ADAMTS18: variants seen among roughly 807,000 people sequenced by gnomAD.
ADAMTS18 encodes ADAM metallopeptidase with thrombospondin type 1 motif 18, also known as A disintegrin and metalloproteinase with thrombospondin motifs 18.
In ADAMTS18, 157 loss-of-function variants were observed where a neutral mutation model predicts 165.9. The ratio of observed to expected loss-of-function variants is 0.95; its 90% CI spans 0.83 to 1.08. The LOEUF is 1.08. Among genes scored for constraint, ADAMTS18 ranks in the 50% least tolerant of loss-of-function variants. ADAMTS18 has a pLI of 0.00. For synonymous variants in ADAMTS18, 782 were observed against 578.2 expected, an observed-to-expected ratio of 1.35 and a Z score of -5.06; for missense variants, 2,040 against 1,534.0, an observed-to-expected ratio of 1.33 and a Z score of -5.51.
At chr16:77,332,661 C>T (rs1422207488) in intron 12 of ADAMTS18, among the ~76,000 whole-genome samples, 1 of 152,174 alleles carries the variant, frequency 6.6e-6, no homozygotes, top group Non-Finnish European at 1.5e-5. Flanking sequence ...ATCTACATCT[C>T]ACACATGTTT....
At chr16:77,312,449 G>C (rs1208941833) in intron 16 of ADAMTS18, among the ~76,000 whole-genome samples, 2 of 152,068 alleles carry the variant, frequency 1.3e-5, no homozygotes, top group Non-Finnish European at 1.5e-5. Context: ...TGTTGGCTGG[G>C]CTGGTCTCGA....
chr16:77,400,224 G>A (rs1336155658), intron 3 of ADAMTS18, among the ~76,000 whole-genome samples: 1 of 152,114 alleles, frequency 6.6e-6, no homozygotes, highest in Non-Finnish European at 1.5e-5. Flanking sequence ...TTCAGGCTAA[G>A]CTCAGCCTTG....
chr16:77,357,384 G>A (rs574057161), intron 8 of ADAMTS18, among the ~76,000 whole-genome samples: 72 of 152,206 alleles, frequency 4.7e-4, no homozygotes, highest in South Asian at 3.7e-3. Context: ...ATTGACTAAC[G>A]TCAATGTATA....
chr16:77,405,027 T>C (rs2057376363), intron 3 of ADAMTS18, among the ~76,000 whole-genome samples: 2 of 152,214 alleles, frequency 1.3e-5, no homozygotes, highest in African/African-American at 4.8e-5. Flanking sequence ...TTAATTACCT[T>C]AGCCACTGGT....
chr16:77,427,877 A>G (rs1185592500), intron 3 of ADAMTS18, among the ~76,000 whole-genome samples: 3 of 152,180 alleles, frequency 2.0e-5, no homozygotes, highest in Admixed American at 2.0e-4. Flanking sequence ...TGCTAGCAAA[A>G]TTTTAGCTGG....
At chr16:77,319,472 T>C (rs1156952108) in intron 16 of ADAMTS18, among the ~76,000 whole-genome samples, 1 of 152,196 alleles carries the variant, frequency 6.6e-6, no homozygotes, top group Non-Finnish European at 1.5e-5. Context: ...TGAAACAGTC[T>C]TGCTCTGTTG....
chr16:77,372,437 C>A (rs1327980281), intron 3 of ADAMTS18, among the ~76,000 whole-genome samples: 1 of 152,190 alleles, frequency 6.6e-6, no homozygotes, highest in African/African-American at 2.4e-5. Flanking sequence ...CCATTAAGAT[C>A]ATGAAATCTT....
chr16:77,431,403 T>C lies in ADAMTS18; in HGVS notation c.387A>G (p.Lys129=), dbSNP rs1017948473. 5.0e-6 allele frequency: 8 copies of C among 1,614,148 alleles called. No individual in the cohort carries two copies. The highest frequency in any genetic ancestry group is 3.3e-5 in the Admixed American group (2 of 60,022). The change falls in exon 3 of 23, where the codon AAA becomes AAG. Residue 129 remains lysine, a synonymous_variant. Coordinates refer to ENST00000282849, the MANE Select transcript of ADAMTS18 (RefSeq NM_199355.4). ...GTTTCTGAGTCTCTGAAGCACCATC[T>C]TTTCCAAGTACCTGGACAATAAAGT... The part of the protein sequence containing the change: ...SSHFIVQVLG[K]DGASETQKPE...
chr16:77,327,773 G>T (rs896865534), intron 12 of ADAMTS18, among the ~76,000 whole-genome samples: 3 of 152,066 alleles, frequency 2.0e-5, no homozygotes, highest in African/African-American at 4.8e-5. Flanking sequence ...GTTCAAACAT[G>T]GACCCAAGCT....
At chr16:77,396,157 A>G (rs2057254166) in intron 3 of ADAMTS18, among the ~76,000 whole-genome samples, 1 of 152,202 alleles carries the variant, frequency 6.6e-6, no homozygotes, top group Non-Finnish European at 1.5e-5. Context: ...CTAAATCATA[A>G]TCTATAACTG....
intron 3 of ADAMTS18, among the ~76,000 whole-genome samples, chr16:77,417,933 C>T (rs1449313767): frequency 6.6e-6 from 1 of 152,188 alleles, no homozygotes; most frequent in African/African-American, 2.4e-5. Flanking sequence ...ATATAGAGGA[C>T]ATTTAACTTT....
intron 3 of ADAMTS18, among the ~76,000 whole-genome samples, chr16:77,376,247 A>C (rs927757272): frequency 1.3e-5 from 2 of 152,168 alleles, no homozygotes; most frequent in African/African-American, 4.8e-5. Context: ...GAGAGAGTGA[A>C]GGGGTATGTG....
In ADAMTS18 at chr16:77,434,387, C is replaced by G; in HGVS notation, c.178+31G>C. On this transcript the variant is annotated intron_variant, in intron 2 of 22. Coordinates refer to ENST00000282849, the MANE Select transcript of ADAMTS18 (RefSeq NM_199355.4). Reference sequence around the variant, plus strand: ...GGAAGGGTCAAAGTGCTGCGAAAGGCCCTTCTTGGGGATGGGGGGCAAATA... The same window carrying G: ...GGAAGGGTCAAAGTGCTGCGAAAGGGCCTTCTTGGGGATGGGGGGCAAATA... The G allele has an allele frequency of 1.9e-6, 3 of 1,552,242 alleles. No homozygotes were observed. In the South Asian group the frequency reaches 3.5e-5, roughly 18 times the overall value.
intron 3 of ADAMTS18, among the ~76,000 whole-genome samples, chr16:77,430,010 C>T (rs11860106): frequency 0.48 from 73,185 of 152,002 alleles, 18,598 homozygotes; most frequent in Non-Finnish European, 0.58. Context: ...AGACTGCTTT[C>T]AACTACTGGT....
intron 3 of ADAMTS18, among the ~76,000 whole-genome samples, chr16:77,415,884 A>C (rs890168753): frequency 2.6e-5 from 4 of 152,216 alleles, no homozygotes; most frequent in Admixed American, 1.3e-4. Flanking sequence ...CTAAATTGCC[A>C]GGATAATTAC....
At chr16:77,346,146 C>T (rs1291551982) in intron 10 of ADAMTS18, among the ~76,000 whole-genome samples, 1 of 152,126 alleles carries the variant, frequency 6.6e-6, no homozygotes. Context: ...CCTGTGACCT[C>T]GATATTAAAA....
intron 12 of ADAMTS18, among the ~76,000 whole-genome samples, chr16:77,334,029 G>GTAATATATGCTATATATAATATA (rs1302634895): frequency 0.04 from 5,449 of 135,908 alleles, 338 homozygotes; most frequent in Middle Eastern, 0.087. Flanking sequence ...AATATACAGT[G>GTAATATATGCTATATATAATATA]CAATATATGC....
In ADAMTS18 at chr16:77,363,826, G is replaced by C. The variant is rs369287815; in HGVS notation, c.1032C>G (p.Ser344Arg). 8 of 1,613,904 alleles carry C rather than the reference G, an allele frequency of 5.0e-6. No individual in the cohort carries two copies. In the Admixed American group the frequency reaches 1.0e-4, roughly 20 times the overall value. ...IGSDINVVVV[S>R]LILLEQEPGG... ...CAGGTTCTTGTTCCAGAAGAATTAGGCTCACCACAACCACGTTTATGTCAC... is the reference window on the plus strand; with the variant it reads ...CAGGTTCTTGTTCCAGAAGAATTAGCCTCACCACAACCACGTTTATGTCAC... The change falls in exon 6 of 23, where the codon AGC becomes AGG. Residue 344 changes from serine (S) to arginine (R), a missense_variant. Coordinates refer to ENST00000282849, the MANE Select transcript of ADAMTS18 (RefSeq NM_199355.4).
At chr16:77,331,126 A>C (rs1040220921) in intron 12 of ADAMTS18, among the ~76,000 whole-genome samples, 3 of 152,162 alleles carry the variant, frequency 2.0e-5, no homozygotes, top group Non-Finnish European at 4.4e-5. Context: ...TTTAGTGATT[A>C]ATTATTCTAT....
Sources: allele counts gnomAD v4.1 joint callset (sites outside exome capture counted in the v4.1 genomes callset), GRCh38; gene constraint gnomAD v4.1.1; transcripts MANE v1.5; gene names NCBI Gene and HGNC (gene_info 2026-07-23, HGNC 2026-07-21).